ZNF735: variants seen among roughly 807,000 people sequenced by gnomAD.
ZNF735 encodes the protein putative zinc finger protein 735.
A neutral mutation model predicts 13.4 loss-of-function variants in ZNF735; 11 were observed. The ratio of observed to expected loss-of-function variants is 0.82; its 90% CI spans 0.52 to 1.36. The LOEUF (loss-of-function observed/expected upper bound fraction) is 1.36, where lower values mean the gene tolerates loss of function less well. ZNF735 is among the 40% of genes most tolerant of loss of function. ZNF735 has a pLI of 0.00. For synonymous variants in ZNF735, 171 were observed against 162.6 expected (o/e 1.05, Z -0.39); for missense variants, 500 against 484.6 (o/e 1.03, Z -0.30).
intron 3 of ZNF735, among the ~76,000 whole-genome samples, chr7:64,216,157 G>T (rs1354579471): frequency 6.6e-6 from 1 of 151,884 alleles, no homozygotes; most frequent in Non-Finnish European, 1.5e-5. Context: ...TTAACCAGGT[G>T]TAGTGGCGGG....
rs555225235 is a variant in ZNF735 at position 64,207,326 on chromosome 7, C to T, written c.39+85C>T. The T allele has an allele frequency of 5.3e-5, 86 of 1,612,984 alleles. No individual in the cohort carries two copies. The African/African-American group carries it at 9.9e-4, about 18-fold the overall frequency. On this transcript the variant is annotated intron_variant, in intron 1 of 3. Transcript: ENST00000429565. ...GTGGCTGCAGCAGGACCCATACTTCCTCGCAGTCAGCTCCGGAGTCTGAGG... is the reference window on the plus strand; with the variant it reads ...GTGGCTGCAGCAGGACCCATACTTCTTCGCAGTCAGCTCCGGAGTCTGAGG...
chr7:64,212,919 A>G (rs1194361733), intron 1 of ZNF735, among the ~76,000 whole-genome samples, 173 bp from the exon 2 acceptor site: 1 of 152,172 alleles, frequency 6.6e-6, no homozygotes, highest in Non-Finnish European at 1.5e-5. Flanking sequence ...CTCTTTTCTC[A>G]GAATTAGAGA....
At chr7:64,208,183 T>C (rs1211035589) in intron 1 of ZNF735, among the ~76,000 whole-genome samples, 3 of 151,174 alleles carry the variant, frequency 2.0e-5, no homozygotes, top group Non-Finnish European at 4.4e-5. Context: ...CAGAGATTCA[T>C]TGGCAGATTG....
At chr7:64,212,075 T>C (rs938316926) in intron 1 of ZNF735, among the ~76,000 whole-genome samples, 19 of 152,240 alleles carry the variant, frequency 1.2e-4, no homozygotes, top group Non-Finnish European at 1.9e-4. Context: ...TTTTCCACGA[T>C]AGAGTTAATT....
chr7:64,213,044 G>T, intron 1 of ZNF735, 48 bp from the exon 2 acceptor site: 1 of 1,563,764 alleles, frequency 6.4e-7, no homozygotes, highest in Non-Finnish European at 8.7e-7. Context: ...TCTGCTTACG[G>T]CCATATGGTA....
intron 3 of ZNF735, among the ~76,000 whole-genome samples, chr7:64,217,336 A>G (rs887093984): frequency 7.2e-5 from 11 of 152,226 alleles, no homozygotes; most frequent in Non-Finnish European, 1.0e-4. Context: ...TACTTCTTGT[A>G]CAGTCTACTG....
rs552495942 is a variant in ZNF735, at chr7:64,209,701, C to T, written c.39+2460C>T. Among the ~76,000 whole-genome samples the T allele has an allele frequency of 7.9e-5, 12 of 152,096 alleles. No individual in the cohort carries two copies. The South Asian group carries it at 1.9e-3, about 24-fold the overall frequency. On this transcript the variant is annotated intron_variant, in intron 1 of 3. Transcript: ENST00000429565. ...GATTTTGGTTATTTCTTGACTTTTG[C>T]GAGTGTTGAAGTTGGTTTGCTCTTT...
intron 1 of ZNF735, 133 bp downstream of exon 1, chr7:64,207,374 T>C (rs751148066): frequency 3.1e-5 from 49 of 1,560,006 alleles, no homozygotes; most frequent in Non-Finnish European, 4.0e-5. Context: ...CTTGGCCCAG[T>C]TCGGCTGTTA....
At chr7:64,214,479 CTTT>C (rs1474376373) in intron 3 of ZNF735, among the ~76,000 whole-genome samples, 6 of 152,020 alleles carry the variant, frequency 3.9e-5, no homozygotes, top group Non-Finnish European at 7.4e-5. Context: ...ATTTAAAAAA[CTTT>C]TTGCATCATG....
chr7:64,212,992 C>T lies in ZNF735; in HGVS notation c.40-100C>T. ...CAGTCACTCTTGTAAGTGAGAAACA[C>T]TTCTTTTTACTCTCTTTTTTAACTT... On this transcript the variant is annotated intron_variant, in intron 1 of 3. Transcript: ENST00000429565. 13 of 1,287,526 alleles carry T rather than the reference C, an allele frequency of 1.0e-5. No individual in the cohort carries two copies. In the South Asian group the frequency reaches 1.4e-4, roughly 14 times the overall value. The allele number at this position is 1,287,526 out of a possible 1,614,324, so 79.8% of individuals were successfully genotyped here.
rs540326554 is a variant in ZNF735 at position 64,216,698 on chromosome 7, T to C, written c.262+2590T>C. On this transcript the variant is annotated intron_variant, in intron 3 of 3. Transcript: ENST00000429565. Reference sequence around the variant, plus strand: ...TTGGCTCATCACAACCTCAACTTCCTGGACTCAAGTAATCCTTCCACCTTG... The same window carrying C: ...TTGGCTCATCACAACCTCAACTTCCCGGACTCAAGTAATCCTTCCACCTTG... Among the ~76,000 whole-genome samples, 3 of 152,184 alleles carry C rather than the reference T, an allele frequency of 2.0e-5. No individual in the cohort carries two copies. In the South Asian group the frequency reaches 6.2e-4, roughly 32 times the overall value.
rs377315967 is a variant in ZNF735, at chr7:64,209,228, G to GTTTTT, written c.39+1995_39+1999dup. ...CCACAACCTCACAAGCATCTGTTCC[G>GTTTTT]TTTTTTTTTTTTGACTTTTTAGTCT... is the stretch of plus-strand genomic sequence containing the variant. On this transcript the variant is annotated intron_variant, in intron 1 of 3. Coordinates refer to ENST00000429565, the Ensembl canonical transcript of ZNF735. 5.8e-3 allele frequency among the ~76,000 whole-genome samples: 814 copies of GTTTTT among 139,888 alleles called. 6 individuals are homozygous for GTTTTT. The highest frequency in any genetic ancestry group is 0.034 in the East Asian group (154 of 4,506). The allele number at this position is 139,888 out of a possible 152,430, so 91.8% of individuals were successfully genotyped here.
At chr7:64,215,346 C>T (rs144141535) in intron 3 of ZNF735, among the ~76,000 whole-genome samples, 291 of 152,330 alleles carry the variant, frequency 1.9e-3, no homozygotes, top group Middle Eastern at 0.01. Context: ...GAGTGAGCCA[C>T]TGCACCCGGT....
chr7:64,219,424 T>C (rs752897093), exon 4 of ZNF735: 1 of 1,613,876 alleles, frequency 6.2e-7, no homozygotes, highest in South Asian at 1.1e-5. Context: ...GAATTTACAA[T>C]TAAAAAAATG....
chr7:64,220,106 C>G, exon 4 of ZNF735: 5 of 1,613,584 alleles, frequency 3.1e-6, no homozygotes, highest in Non-Finnish European at 4.2e-6. Context: ...GGAGAGAAAC[C>G]CTACACATGT....
intron 3 of ZNF735, among the ~76,000 whole-genome samples, chr7:64,214,849 T>C (rs1226190860): frequency 6.6e-6 from 1 of 151,974 alleles, no homozygotes; most frequent in Non-Finnish European, 1.5e-5. Flanking sequence ...ATAACTTTCA[T>C]AGGTTTCAAT....
intron 3 of ZNF735, among the ~76,000 whole-genome samples, chr7:64,215,065 C>CTT (rs200637720): frequency 1.0e-3 from 145 of 140,882 alleles, no homozygotes; most frequent in East Asian, 0.01. Flanking sequence ...TTTCTTTTTT[C>CTT]TTTTTTTTTT....
chr7:64,210,961 T>C (rs1287398826), intron 1 of ZNF735, among the ~76,000 whole-genome samples: 1 of 152,144 alleles, frequency 6.6e-6, no homozygotes, highest in African/African-American at 2.4e-5. Flanking sequence ...AAAAAATCAC[T>C]TTTTCTCAGG....
chr7:64,216,516 A>G (rs544123388), intron 3 of ZNF735, among the ~76,000 whole-genome samples: 2 of 152,042 alleles, frequency 1.3e-5, no homozygotes, highest in East Asian at 3.9e-4. Flanking sequence ...TTATTTCCAT[A>G]TATTTTTGAT....
Sources: allele counts gnomAD v4.1 joint callset (sites outside exome capture counted in the v4.1 genomes callset), GRCh38; gene constraint gnomAD v4.1.1; transcripts MANE v1.5; gene names NCBI Gene and HGNC (gene_info 2026-07-23, HGNC 2026-07-21).